OXR1: variants seen among roughly 807,000 people sequenced by gnomAD.
OXR1 encodes oxidation resistance protein 1.
OXR1 carries 41 observed loss-of-function variants against 104.6 expected under a neutral mutation model. The observed-to-expected ratio is 0.39, with a 90% CI of 0.31 to 0.51. The LOEUF (loss-of-function observed/expected upper bound fraction) is 0.51. Ranked by LOEUF, OXR1 falls within the 20% of genes least tolerant of loss-of-function variation. The pLI is 0.77. For missense variants in OXR1, 955 were observed against 1,031.9 expected (o/e 0.93, Z 1.02); for synonymous variants, 348 against 348.4 (o/e 1.00, Z 0.01).
intron 3 of OXR1, among the ~76,000 whole-genome samples, chr8:106,619,121 T>C (rs1821481200): frequency 6.6e-6 from 1 of 152,202 alleles, no homozygotes; most frequent in Non-Finnish European, 1.5e-5. Context: ...TAATTACCAT[T>C]ACTAGGTTAG....
intron 2 of OXR1, among the ~76,000 whole-genome samples, chr8:106,454,081 A>C (rs1820470303): frequency 1.3e-5 from 2 of 152,218 alleles, no homozygotes; most frequent in Non-Finnish European, 2.9e-5. Flanking sequence ...ACATTGGTTA[A>C]AGTAATTATT....
chr8:106,451,012 C>G (rs1385135641), intron 2 of OXR1, among the ~76,000 whole-genome samples: 1 of 152,126 alleles, frequency 6.6e-6, no homozygotes, highest in African/African-American at 2.4e-5. Context: ...GGATATAACA[C>G]ATCCTTTGCA....
intron 2 of OXR1, among the ~76,000 whole-genome samples, chr8:106,428,934 G>A (rs1310842829): frequency 6.6e-6 from 1 of 152,016 alleles, no homozygotes; most frequent in Non-Finnish European, 1.5e-5. Context: ...GTCACCCTGG[G>A]AACCCCCACA....
chr8:106,463,628 A>G (rs1821022895), intron 2 of OXR1, among the ~76,000 whole-genome samples: 1 of 152,098 alleles, frequency 6.6e-6, no homozygotes, highest in Admixed American at 6.6e-5. Context: ...AGATGTTGGG[A>G]GCACAGCGAG....
At chr8:106,278,367 C>A (rs1338367405) in intron 1 of OXR1, among the ~76,000 whole-genome samples, 3 of 151,986 alleles carry the variant, frequency 2.0e-5, no homozygotes, top group Non-Finnish European at 4.4e-5. Context: ...TTCCTTTGTT[C>A]CTGGCTTACC....
intron 3 of OXR1, among the ~76,000 whole-genome samples, chr8:106,641,592 T>C (rs1823639212): frequency 6.6e-6 from 1 of 152,194 alleles, no homozygotes; most frequent in Non-Finnish European, 1.5e-5. Context: ...GGTTTCTTAA[T>C]TGAGTATTAG....
At chr8:106,522,332 C>A (rs1813324447) in intron 3 of OXR1, among the ~76,000 whole-genome samples, 1 of 152,130 alleles carries the variant, frequency 6.6e-6, no homozygotes, top group East Asian at 1.9e-4. Flanking sequence ...TACTGGAAAT[C>A]ATCTCTAGGT....
chr8:106,482,314 A>G (rs1258591166), intron 2 of OXR1, among the ~76,000 whole-genome samples: 5 of 151,736 alleles, frequency 3.3e-5, no homozygotes, highest in Non-Finnish European at 5.9e-5. Context: ...AAGAATTAAA[A>G]GCCCTCCCCA....
At chr8:106,569,222 A>G (rs746277252) in intron 3 of OXR1, among the ~76,000 whole-genome samples, 13 of 152,092 alleles carry the variant, frequency 8.5e-5, no homozygotes, top group Non-Finnish European at 1.6e-4. Context: ...GTTTTAATCA[A>G]CACCCATGCA....
chr8:106,463,967 C>G (rs753841297), intron 2 of OXR1, among the ~76,000 whole-genome samples: 1 of 152,110 alleles, frequency 6.6e-6, no homozygotes, highest in East Asian at 1.9e-4. Context: ...TGATTTCACT[C>G]AAAACTACAG....
chr8:106,366,714 A>G (rs1208716384), intron 2 of OXR1, among the ~76,000 whole-genome samples: 4 of 152,196 alleles, frequency 2.6e-5, no homozygotes, highest in Non-Finnish European at 5.9e-5. Flanking sequence ...ATGTTGAATG[A>G]ATGACTGTTC....
intron 1 of OXR1, among the ~76,000 whole-genome samples, chr8:106,294,412 A>AAAAAAAAAAAAAAAAAG (rs71307051): frequency 5.3e-5 from 7 of 131,408 alleles, no homozygotes; most frequent in Admixed American, 8.2e-5. Context: ...AAAAAAAAAA[A>AAAAAAAAAAAAAAAAAG]AAAGAAAGAA....
chr8:106,574,179 A>C (rs1238033911), intron 3 of OXR1, among the ~76,000 whole-genome samples: 2 of 152,194 alleles, frequency 1.3e-5, no homozygotes, highest in Admixed American at 6.6e-5. Flanking sequence ...AGTAACAGTT[A>C]GGATACTAAT....
At chr8:106,488,606 T>C (rs200098749) in intron 2 of OXR1, among the ~76,000 whole-genome samples, 1,861 of 151,274 alleles carry the variant, frequency 0.012, 29 homozygotes, top group East Asian at 0.08. Context: ...TTGTATAAGG[T>C]GTAAGGAAGG....
chr8:106,362,974 T>G (rs1035562584), intron 2 of OXR1, among the ~76,000 whole-genome samples: 1 of 152,218 alleles, frequency 6.6e-6, no homozygotes, highest in African/African-American at 2.4e-5. Flanking sequence ...AGATGACATC[T>G]TTTTGACCCA....
At chr8:106,307,590 T>C (rs1813517915) in intron 1 of OXR1, among the ~76,000 whole-genome samples, 1 of 152,112 alleles carries the variant, frequency 6.6e-6, no homozygotes, top group Admixed American at 6.6e-5. Flanking sequence ...TGTTTTAATC[T>C]GTGTGTATCT....
intron 2 of OXR1, among the ~76,000 whole-genome samples, chr8:106,461,988 G>A (rs1181292014): frequency 6.6e-6 from 1 of 152,136 alleles, no homozygotes; most frequent in Non-Finnish European, 1.5e-5. Context: ...TGGATTACTA[G>A]TGAATTTATT....
Position 106,575,915 on chromosome 8 carries a change from G to A in OXR1, c.220+56776G>A, listed in dbSNP as rs142870485. On this transcript the variant is annotated intron_variant, in intron 3 of 16. Transcript: ENST00000517566. Reference sequence around the variant, plus strand: ...ATTAAAAACAGCAAAGTAGAAAGGAGCAGCAGACACATTAACAACAAATAA... The same window carrying A: ...ATTAAAAACAGCAAAGTAGAAAGGAACAGCAGACACATTAACAACAAATAA... 4.5e-3 allele frequency among the ~76,000 whole-genome samples: 684 copies of A among 151,286 alleles called. 6 individuals are homozygous for A. Among genetic ancestry groups the A allele is most frequent in the African/African-American group, 0.016 (643 of 41,222 alleles).
intron 7 of OXR1, among the ~76,000 whole-genome samples, chr8:106,700,946 T>A (rs557348256): frequency 6.6e-6 from 1 of 152,244 alleles, no homozygotes; most frequent in Non-Finnish European, 1.5e-5. Flanking sequence ...GAGAGAAAGT[T>A]ATGAAAGATC....
Sources: gnomAD v4.1 joint callset for allele counts (sites outside exome capture counted in the v4.1 genomes callset) on GRCh38, gnomAD v4.1.1 for gene constraint, MANE v1.5 for transcripts, NCBI Gene and HGNC (gene_info 2026-07-23, HGNC 2026-07-21) for gene names.